CDH11: variants seen among roughly 807,000 people sequenced by gnomAD.
CDH11 encodes cadherin 11.
In CDH11, 11 loss-of-function variants were observed where a neutral mutation model predicts 67.8. The ratio of observed to expected loss-of-function variants is 0.16; its 90% CI spans 0.10 to 0.27. The LOEUF (loss-of-function observed/expected upper bound fraction) is 0.27. Among genes scored for constraint, CDH11 ranks in the 10% least tolerant of loss-of-function variants. The pLI is 1.00. For synonymous variants in CDH11, 419 were observed against 400.0 expected (o/e 1.05, Z -0.57); for missense variants, 847 against 1,031.2 (o/e 0.82, Z 2.45).
chr16:64,952,501 T>C (rs547140639), intron 11 of CDH11, among the ~76,000 whole-genome samples: 38 of 152,242 alleles, frequency 2.5e-4, no homozygotes, highest in Non-Finnish European at 4.9e-4. Flanking sequence ...TTTCCCAATC[T>C]TTTGTAGCCT....
chr16:65,020,182 C>T (rs2073394079), intron 2 of CDH11, among the ~76,000 whole-genome samples: 1 of 152,166 alleles, frequency 6.6e-6, no homozygotes, highest in African/African-American at 2.4e-5. Context: ...GTAGGCCTTA[C>T]ATAGAATCTA....
intron 7 of CDH11, chr16:64,985,497 T>G (rs2072463629): frequency 6.6e-6 from 1 of 151,860 alleles, no homozygotes; most frequent in Non-Finnish European, 1.5e-5. Context: ...ATGAGTTATT[T>G]TTTCTGCCTT....
chr16:65,044,272 T>C (rs1006489924), intron 2 of CDH11, among the ~76,000 whole-genome samples: 3 of 152,166 alleles, frequency 2.0e-5, no homozygotes, highest in South Asian at 2.1e-4. Flanking sequence ...AGACAACTAA[T>C]TGGCGATGTG....
chr16:65,028,061 A>G (rs946544706), intron 2 of CDH11, among the ~76,000 whole-genome samples: 1 of 152,230 alleles, frequency 6.6e-6, no homozygotes, highest in Non-Finnish European at 1.5e-5. Context: ...GACCTACATC[A>G]TGAAGAATAT....
At chr16:65,014,483 C>T (rs1272436937) in intron 2 of CDH11, among the ~76,000 whole-genome samples, 1 of 152,108 alleles carries the variant, frequency 6.6e-6, no homozygotes, top group Non-Finnish European at 1.5e-5. Context: ...ATTTAAAGGA[C>T]CTCTCTGTTG....
chr16:65,061,349 G>T (rs2074234160), intron 1 of CDH11, among the ~76,000 whole-genome samples: 1 of 152,160 alleles, frequency 6.6e-6, no homozygotes, highest in African/African-American at 2.4e-5. Flanking sequence ...TTAAAAGATT[G>T]AAAATACCTA....
At chr16:65,082,854 G>T (rs2074633570) in intron 1 of CDH11, among the ~76,000 whole-genome samples, 1 of 152,054 alleles carries the variant, frequency 6.6e-6, no homozygotes, top group Non-Finnish European at 1.5e-5. Flanking sequence ...TACCTTCCTG[G>T]TAGGACCATT....
intron 4 of CDH11, among the ~76,000 whole-genome samples, chr16:64,996,503 A>AAC (rs1264342665): frequency 6.6e-6 from 1 of 151,770 alleles, no homozygotes; most frequent in Non-Finnish European, 1.5e-5. Flanking sequence ...AAAAAAAAAA[A>AAC]AAAAGTATTA....
intron 2 of CDH11, among the ~76,000 whole-genome samples, chr16:65,050,458 G>A (rs2074035858): frequency 6.6e-6 from 1 of 152,180 alleles, no homozygotes. Flanking sequence ...TTTGTGGCAT[G>A]TCATAGGTGC....
chr16:65,041,958 G>A (rs1294437573), intron 2 of CDH11, among the ~76,000 whole-genome samples: 2 of 152,252 alleles, frequency 1.3e-5, no homozygotes, highest in African/African-American at 4.8e-5. Flanking sequence ...CAGAGAGAGA[G>A]AGAGAGATGT....
At chr16:65,029,469 A>AT (rs2073599249) in intron 2 of CDH11, among the ~76,000 whole-genome samples, 4 of 152,162 alleles carry the variant, frequency 2.6e-5, no homozygotes, top group Non-Finnish European at 5.9e-5. Flanking sequence ...ATAAAATGAA[A>AT]TTTTTTTCTG....
chr16:65,086,732 C>G (rs971334381), intron 1 of CDH11, among the ~76,000 whole-genome samples: 1 of 152,116 alleles, frequency 6.6e-6, no homozygotes, highest in Non-Finnish European at 1.5e-5. Flanking sequence ...TCCTTTGAAA[C>G]GAGTTTCCCA....
chr16:64,968,782 T>C (rs1259548613), intron 11 of CDH11, among the ~76,000 whole-genome samples: 1 of 152,198 alleles, frequency 6.6e-6, no homozygotes, highest in Non-Finnish European at 1.5e-5. Context: ...TCTCATGTTT[T>C]CTATGGAAAG....
At chr16:65,119,383 T>C (rs1317695636) in intron 1 of CDH11, among the ~76,000 whole-genome samples, 1 of 152,194 alleles carries the variant, frequency 6.6e-6, no homozygotes, top group Non-Finnish European at 1.5e-5. Context: ...ACTATTTTTT[T>C]TAAATTTTCA....
chr16:65,103,404 C>T (rs189709374), intron 1 of CDH11, among the ~76,000 whole-genome samples: 36 of 152,142 alleles, frequency 2.4e-4, no homozygotes, highest in African/African-American at 8.7e-4. Context: ...TTGTAATAAT[C>T]GCCATCATTA....
Position 65,042,049 on chromosome 16 carries a change from C to T in CDH11, c.-173+11755G>A, listed in dbSNP as rs561215961. ...CCCAAACATACCAACCATCATATTC[C>T]TGTCAACTCATTAGGCAAATGCTTA... On this transcript the variant is annotated intron_variant, in intron 2 of 12. Coordinates refer to ENST00000268603, the MANE Select transcript of CDH11 (RefSeq NM_001797.4). Among the ~76,000 whole-genome samples the T allele has an allele frequency of 3.3e-5, 5 of 152,326 alleles. No homozygotes were observed. In the South Asian group the frequency reaches 8.3e-4, roughly 25 times the overall value.
At chr16:65,061,977 A>G (rs1029609273) in intron 1 of CDH11, among the ~76,000 whole-genome samples, 1 of 152,154 alleles carries the variant, frequency 6.6e-6, no homozygotes, top group Non-Finnish European at 1.5e-5. Flanking sequence ...CTCAATCACA[A>G]AGCCACTCAC....
chr16:64,989,691 G>A (rs1425387399), intron 6 of CDH11, among the ~76,000 whole-genome samples: 1 of 152,114 alleles, frequency 6.6e-6, no homozygotes, highest in Admixed American at 6.6e-5. Context: ...TTCAGGTTTT[G>A]TTTAAACTTG....
At chr16:65,102,694 T>C (rs1046421306) in intron 1 of CDH11, among the ~76,000 whole-genome samples, 11 of 152,204 alleles carry the variant, frequency 7.2e-5, no homozygotes, top group Admixed American at 5.9e-4. Flanking sequence ...GGCCATGTGT[T>C]AGAGACACTG....
Sources: gnomAD v4.1 joint callset for allele counts (sites outside exome capture counted in the v4.1 genomes callset) on GRCh38, gnomAD v4.1.1 for gene constraint, MANE v1.5 for transcripts, NCBI Gene and HGNC (gene_info 2026-07-23, HGNC 2026-07-21) for gene names.